Variants in USH2A observed in about 807,000 individuals in gnomAD.
USH2A encodes Usher syndrome 2A (autosomal recessive, mild).
Under a neutral mutation model 538.9 loss-of-function variants are expected in USH2A, and 443 were observed. The observed-to-expected ratio is 0.82, with a 90% confidence interval of 0.76 to 0.89. USH2A has a LOEUF of 0.89. Ranked by LOEUF, USH2A falls within the 40% of genes least tolerant of loss-of-function variation. The probability of loss-of-function intolerance (pLI) is 0.00; values close to 1 mark genes in which losing one functional copy is unlikely to be tolerated. For missense variants in USH2A, 6,633 were observed against 6,324.8 expected (o/e 1.05, Z -1.65); for synonymous variants, 2,413 against 2,273.5 (o/e 1.06, Z -1.75).
At chr1:215,864,761 A>T (rs1664427249) in intron 44 of USH2A, among the ~76,000 whole-genome samples, 1 of 152,208 alleles carries the variant, frequency 6.6e-6, no homozygotes, top group African/African-American at 2.4e-5. Context: ...GAACTGAAGT[A>T]ACACAGGGAC....
intron 4 of USH2A, among the ~76,000 whole-genome samples, chr1:216,328,923 C>G (rs1309352131): frequency 1.3e-5 from 2 of 151,962 alleles, no homozygotes; most frequent in Non-Finnish European, 2.9e-5. Flanking sequence ...AAAAATATTT[C>G]TTCATTAGTG....
chr1:215,886,799 A>G lies in USH2A; in HGVS notation c.8223+1627T>C, dbSNP rs547083422. Reference sequence around the variant, plus strand: ...GCCAGGCAAGCTGATACTTTTAATTATTGTTTATATATGCTGAATCAAGCA... The same window carrying G: ...GCCAGGCAAGCTGATACTTTTAATTGTTGTTTATATATGCTGAATCAAGCA... On this transcript the variant is annotated intron_variant, in intron 41 of 71. Coordinates refer to ENST00000307340, the MANE Select transcript of USH2A (RefSeq NM_206933.4). Among the ~76,000 whole-genome samples, 10 of 152,272 alleles carry G rather than the reference A, an allele frequency of 6.6e-5. No individual in the cohort carries two copies. The East Asian group carries it at 1.9e-3, about 29-fold the overall frequency.
intron 25 of USH2A, among the ~76,000 whole-genome samples, chr1:216,083,823 A>G (rs2032027321): frequency 6.6e-6 from 1 of 152,170 alleles, no homozygotes; most frequent in Non-Finnish European, 1.5e-5. Context: ...TTTGCTCTCT[A>G]AATCATGTGT....
intron 58 of USH2A, among the ~76,000 whole-genome samples, chr1:215,744,591 A>G (rs1166465200): frequency 6.6e-6 from 1 of 152,204 alleles, no homozygotes; most frequent in Non-Finnish European, 1.5e-5. Flanking sequence ...ATTACTGAGG[A>G]AGCACAGGAC....
chr1:216,191,007 C>A (rs2034705409), intron 19 of USH2A, among the ~76,000 whole-genome samples: 1 of 151,800 alleles, frequency 6.6e-6, no homozygotes, highest in Non-Finnish European at 1.5e-5. Context: ...ATGAAAATAG[C>A]AGATTTGAGC....
In USH2A at chr1:216,325,594, ATC is replaced by A. The variant is rs1188025733; in HGVS notation, c.852_853del (p.Glu284AspfsTer38). On this transcript the variant is annotated frameshift_variant, in exon 6 of 72. Transcript: ENST00000307340. LOFTEE classifies it high-confidence loss of function. The stretch of plus-strand genomic sequence containing the variant: ...AAGATCTCCAGAGAAGACTTCCAGA[ATC>A]TCTCTGTGGGAGTCAAGAGGGAGAC... 6 of 1,612,922 alleles carry A rather than the reference ATC, an allele frequency of 3.7e-6. No individual in the cohort carries two copies. Among genetic ancestry groups the A allele is most frequent in the Non-Finnish European group, 5.1e-6 (6 of 1,179,524 alleles).
Position 216,046,487 on chromosome 1 carries a change from A to C in USH2A, c.6269T>G (p.Leu2090Ter). ...KANGIITQYCLYMDGRLIYSG... is the reference protein window; with the variant it reads ...KANGIITQYC ...ATAGATCAGCCTCCCATCCATGTAT[A>C]AACAGTACTGAGTTATAATACCATT... The change falls in exon 32 of 72, where the codon TTA becomes TGA. Residue 2090 changes from leucine to a stop codon, truncating the protein, a stop_gained. Transcript: ENST00000307340. LOFTEE classifies it high-confidence loss of function. 1 of 1,613,864 alleles carries C rather than the reference A, an allele frequency of 6.2e-7. No individual in the cohort carries two copies. Among genetic ancestry groups the C allele is most frequent in the Non-Finnish European group, 8.5e-7 (1 of 1,179,804 alleles).
chr1:216,094,492 C>T (rs1376194394), intron 22 of USH2A, among the ~76,000 whole-genome samples: 1 of 151,954 alleles, frequency 6.6e-6, no homozygotes, highest in Non-Finnish European at 1.5e-5. Flanking sequence ...CTTTGCTATA[C>T]TTCTCTTCTA....
intron 64 of USH2A, among the ~76,000 whole-genome samples, chr1:215,654,414 A>G (rs1558039435): frequency 6.6e-6 from 1 of 152,134 alleles, no homozygotes; most frequent in African/African-American, 2.4e-5. Flanking sequence ...TAGACTGAAC[A>G]TATTTATTCT....
chr1:215,889,156 G>T, intron 40 of USH2A, 102 bp from the exon 41 acceptor site: 1 of 1,393,410 alleles, frequency 7.2e-7, no homozygotes, highest in Non-Finnish European at 9.9e-7. Flanking sequence ...ATATGAAAAT[G>T]AACACTTGGT....
chr1:216,156,380 G>A (rs1428895887), intron 21 of USH2A, among the ~76,000 whole-genome samples: 2 of 143,500 alleles, frequency 1.4e-5, no homozygotes, highest in African/African-American at 2.6e-5. Flanking sequence ...TGGGTTGAGT[G>A]CTTCTGTTAT....
chr1:216,326,683 T>C (rs2037739555), intron 5 of USH2A, among the ~76,000 whole-genome samples: 1 of 152,112 alleles, frequency 6.6e-6, no homozygotes, highest in Admixed American at 6.6e-5. Context: ...ACCTTGATTA[T>C]ATAGCCTGGT....
At chr1:215,939,560 T>C (rs1666583894) in intron 37 of USH2A, among the ~76,000 whole-genome samples, 1 of 152,130 alleles carries the variant, frequency 6.6e-6, no homozygotes, top group Non-Finnish European at 1.5e-5. Context: ...TTTTGTTGAA[T>C]AGTAGAAAAT....
Position 216,010,585 on chromosome 1 carries a change from T to C in USH2A, c.6326-10023A>G, listed in dbSNP as rs189247722. On this transcript the variant is annotated intron_variant, in intron 32 of 71. Coordinates refer to ENST00000307340, the MANE Select transcript of USH2A (RefSeq NM_206933.4). ...CCTTCTTAATCAATACGGAGGCTAC[T>C]CACTCCACATCACCTTCTTTTCAAG... is the stretch of plus-strand genomic sequence containing the variant. Among the ~76,000 whole-genome samples the C allele has an allele frequency of 1.2e-3, 186 of 151,972 alleles. 1 individual carries two copies. Among genetic ancestry groups the C allele is most frequent in the Middle Eastern group, 6.8e-3 (2 of 292 alleles).
chr1:216,251,140 A>G (rs1460285460), intron 11 of USH2A, 42 bp from the exon 12 acceptor site: 3 of 1,605,046 alleles, frequency 1.9e-6, no homozygotes, highest in Admixed American at 1.7e-5. Flanking sequence ...GAACGTATCT[A>G]TTTTTAGATA....
At chr1:216,287,964 G>A (rs899390082) in intron 11 of USH2A, among the ~76,000 whole-genome samples, 1 of 152,050 alleles carries the variant, frequency 6.6e-6, no homozygotes, top group Admixed American at 6.6e-5. Context: ...TTATATGATC[G>A]AAACTGTTCT....
At chr1:216,138,965 TGG>T (rs2033544233) in intron 21 of USH2A, among the ~76,000 whole-genome samples, 1 of 152,074 alleles carries the variant, frequency 6.6e-6, no homozygotes, top group Non-Finnish European at 1.5e-5. Flanking sequence ...TGTGTATATA[TGG>T]TTTTCCTCTT....
chr1:216,326,787 T>C (rs2037740864), intron 5 of USH2A, among the ~76,000 whole-genome samples: 2 of 152,118 alleles, frequency 1.3e-5, no homozygotes, highest in South Asian at 4.1e-4. Context: ...GTCTTCTCAT[T>C]TGGAAACCCA....
chr1:216,111,393 A>C (rs1228970115), intron 21 of USH2A, among the ~76,000 whole-genome samples: 1 of 152,180 alleles, frequency 6.6e-6, no homozygotes, highest in Non-Finnish European at 1.5e-5. Context: ...TCTCCTTCGG[A>C]TACATTAACC....
Sources: allele counts gnomAD v4.1 joint callset (sites outside exome capture counted in the v4.1 genomes callset), GRCh38; gene constraint gnomAD v4.1.1; transcripts MANE v1.5; gene names NCBI Gene and HGNC (gene_info 2026-07-23, HGNC 2026-07-21).